IMPG2: variants seen among roughly 807,000 people sequenced by gnomAD.
The protein encoded by IMPG2 is IPM 200.
A neutral mutation model predicts 129.2 loss-of-function variants in IMPG2; 91 were observed. That is an observed-to-expected ratio of 0.70 (90% CI 0.59 to 0.84). IMPG2 has a LOEUF of 0.84. Ranked by LOEUF, IMPG2 falls within the 40% of genes least tolerant of loss-of-function variation. IMPG2 has a pLI of 0.00. For synonymous variants in IMPG2, 510 were observed against 517.7 expected (o/e 0.99, Z 0.20); for missense variants, 1,430 against 1,461.7 (o/e 0.98, Z 0.35).
chr3:101,268,863 G>A (rs1706748578), intron 8 of IMPG2, among the ~76,000 whole-genome samples: 2 of 152,096 alleles, frequency 1.3e-5, no homozygotes, highest in Non-Finnish European at 2.9e-5. Context: ...ACAAACTCTT[G>A]ACTTTGGGCT....
intron 6 of IMPG2, among the ~76,000 whole-genome samples, chr3:101,274,304 A>C (rs1237255973): frequency 6.6e-6 from 1 of 152,156 alleles, no homozygotes; most frequent in Non-Finnish European, 1.5e-5. Flanking sequence ...TAGAATAAAA[A>C]GAAAGAACAA....
intron 2 of IMPG2, 72 bp from the exon 3 acceptor site, chr3:101,304,384 A>C: frequency 7.4e-7 from 1 of 1,345,156 alleles, no homozygotes; most frequent in Non-Finnish European, 1.1e-6. Flanking sequence ...TCATAGACTG[A>C]TTCGTACAGA....
intron 14 of IMPG2, among the ~76,000 whole-genome samples, chr3:101,234,959 A>T (rs1706329907): frequency 6.6e-6 from 1 of 152,220 alleles, no homozygotes; most frequent in Non-Finnish European, 1.5e-5. Context: ...ATTTTGGAAT[A>T]TTTGCCTTTA....
rs201547847 is a variant in IMPG2 at position 101,274,232 on chromosome 3, C to T, written c.667-490G>A. Among the ~76,000 whole-genome samples, 5 of 151,792 alleles carry T rather than the reference C, an allele frequency of 3.3e-5. No homozygotes were observed. The East Asian group carries it at 9.6e-4, about 29-fold the overall frequency. On this transcript the variant is annotated intron_variant, in intron 6 of 18. Transcript: ENST00000193391. ...TAAAATAAATTAATAAAATAGTAAA[C>T]ATCTGGGTAAATCTTAAACAAATTT...
rs1491126441 is a variant in IMPG2, at chr3:101,242,036, A to AC, written c.3022+651_3022+652insG. Among the ~76,000 whole-genome samples the AC allele has an allele frequency of 6.4e-5, 9 of 140,590 alleles. No homozygotes were observed. In the East Asian group the frequency reaches 1.8e-3, roughly 28 times the overall value. 92.2% of individuals were successfully genotyped at this position (140,590 alleles called of 152,430 possible). ...AAGAGTGAAACACCATCTCAAAAAG[A>AC]AAAAAAAAAAAATTATCAGGTTTCC... On this transcript the variant is annotated intron_variant, in intron 14 of 18. Transcript: ENST00000193391.
chr3:101,313,536 A>G (rs1041753454), intron 2 of IMPG2, among the ~76,000 whole-genome samples: 2 of 152,136 alleles, frequency 1.3e-5, no homozygotes, highest in Non-Finnish European at 2.9e-5. Flanking sequence ...CCTGCCCTGG[A>G]AACTAGTGGT....
At chr3:101,302,365 A>G (rs1455535006) in intron 3 of IMPG2, among the ~76,000 whole-genome samples, 1 of 152,208 alleles carries the variant, frequency 6.6e-6, no homozygotes, top group Non-Finnish European at 1.5e-5. Context: ...AAGATAGGCA[A>G]TGCAATTAGA....
At chr3:101,233,044 G>C in intron 14 of IMPG2, 53 bp from the exon 15 acceptor site, 1 of 1,522,284 alleles carries the variant, frequency 6.6e-7, no homozygotes, top group Non-Finnish European at 9.1e-7. Context: ...CAGAAACTGG[G>C]GTATACAAAG....
intron 14 of IMPG2, among the ~76,000 whole-genome samples, chr3:101,239,712 C>T (rs1191619776): frequency 6.6e-6 from 1 of 152,226 alleles, no homozygotes; most frequent in Non-Finnish European, 1.5e-5. Flanking sequence ...AAATGTGGCA[C>T]ATATACACCA....
chr3:101,282,764 C>T (rs986409324), intron 4 of IMPG2, among the ~76,000 whole-genome samples: 2 of 152,188 alleles, frequency 1.3e-5, no homozygotes, highest in African/African-American at 4.8e-5. Flanking sequence ...ACACTTCAGA[C>T]ATCTTCCAGC....
chr3:101,304,902 G>A (rs1057243120), intron 2 of IMPG2, among the ~76,000 whole-genome samples: 8 of 150,576 alleles, frequency 5.3e-5, no homozygotes, highest in Non-Finnish European at 7.4e-5. Flanking sequence ...AAGCTTACAG[G>A]AAGCAGAAAG....
At chr3:101,301,294 A>G (rs1025508261) in intron 3 of IMPG2, among the ~76,000 whole-genome samples, 1 of 152,230 alleles carries the variant, frequency 6.6e-6, no homozygotes, top group African/African-American at 2.4e-5. Context: ...AATTACCAAA[A>G]TGTGAGACAG....
At chr3:101,303,737 T>C (rs1364792595) in intron 3 of IMPG2, among the ~76,000 whole-genome samples, 1 of 152,232 alleles carries the variant, frequency 6.6e-6, no homozygotes, top group Admixed American at 6.5e-5. Context: ...ATGAACTATG[T>C]CCTCTATCTT....
chr3:101,314,850 T>A (rs1248044686), intron 2 of IMPG2, among the ~76,000 whole-genome samples: 1 of 152,096 alleles, frequency 6.6e-6, no homozygotes, highest in Non-Finnish European at 1.5e-5. Flanking sequence ...CAATATAGGT[T>A]GAACATCCCT....
intron 4 of IMPG2, among the ~76,000 whole-genome samples, chr3:101,286,339 A>G (rs1200136628): frequency 6.6e-6 from 1 of 152,188 alleles, no homozygotes; most frequent in Non-Finnish European, 1.5e-5. Flanking sequence ...GCTTTTTACA[A>G]TATTCTAAGT....
intron 2 of IMPG2, among the ~76,000 whole-genome samples, chr3:101,308,253 T>C (rs1029246705): frequency 2.7e-5 from 4 of 147,388 alleles, no homozygotes; most frequent in African/African-American, 1.0e-4. Flanking sequence ...ATAGCTCCAC[T>C]AGTCAGTGCC....
intron 3 of IMPG2, among the ~76,000 whole-genome samples, chr3:101,303,398 A>C (rs1348831171): frequency 6.6e-6 from 1 of 152,208 alleles, no homozygotes; most frequent in Non-Finnish European, 1.5e-5. Flanking sequence ...TGGGAGCTCG[A>C]AGAATAATGG....
intron 7 of IMPG2, among the ~76,000 whole-genome samples, chr3:101,273,015 TC>T (rs1706803903): frequency 6.6e-6 from 1 of 152,146 alleles, no homozygotes; most frequent in African/African-American, 2.4e-5. Flanking sequence ...TATAGAATTT[TC>T]CCAGAAAGTG....
intron 2 of IMPG2, among the ~76,000 whole-genome samples, chr3:101,318,988 TGAATCTGCA>T (rs1234549035): frequency 2.0e-5 from 3 of 152,082 alleles, no homozygotes; most frequent in African/African-American, 7.2e-5. Context: ...GCAACCTGTG[TGAATCTGCA>T]GAATATCTAA....
Sources: allele counts gnomAD v4.1 joint callset (sites outside exome capture counted in the v4.1 genomes callset), GRCh38; gene constraint gnomAD v4.1.1; transcripts MANE v1.5; gene names NCBI Gene and HGNC (gene_info 2026-07-23, HGNC 2026-07-21).